BCLAF3: variants seen among roughly 807,000 people sequenced by gnomAD.
The protein encoded by BCLAF3 is BCLAF1 and THRAP3 family member 3, also known as transient octamer binding factor 1.
A neutral mutation model predicts 51.2 loss-of-function variants in BCLAF3; 24 were observed. The observed-to-expected ratio is 0.47, with a 90% CI of 0.34 to 0.66. BCLAF3 has a LOEUF of 0.66. Ranked by LOEUF, BCLAF3 falls within the 30% of genes least tolerant of loss-of-function variation. The pLI is 0.01. For synonymous variants in BCLAF3, 152 were observed against 176.6 expected (o/e 0.86, Z 1.10); for missense variants, 465 against 525.1 (o/e 0.89, Z 1.12).
At chrX:19,980,634 T>C (rs1170598244) in intron 1 of BCLAF3, among the ~76,000 whole-genome samples, 1 of 111,615 alleles carries the variant, frequency 9.0e-6, no homozygotes, top group African/African-American at 3.3e-5. Flanking sequence ...GGCGGAAGAT[T>C]AGTGTAAAAT....
At chrX:19,928,069 G>A (rs113041781) in intron 11 of BCLAF3, among the ~76,000 whole-genome samples, 6,996 of 84,845 alleles carry the variant, frequency 0.082, 635 homozygotes, top group African/African-American at 0.26. Context: ...TTTTTGTAGA[G>A]GTGGGGTCTT....
At chrX:19,988,076 G>T (rs1387743580) in intron 1 of BCLAF3, among the ~76,000 whole-genome samples, 1 of 112,007 alleles carries the variant, frequency 8.9e-6, no homozygotes, top group African/African-American at 3.2e-5. Context: ...GTTGACATCA[G>T]GCATCACATC....
At chrX:19,959,274 T>C (rs751286837) in intron 4 of BCLAF3, among the ~76,000 whole-genome samples, 1 of 111,721 alleles carries the variant, frequency 9.0e-6, no homozygotes, top group South Asian at 3.7e-4. Context: ...GTACCACCCA[T>C]CTTCTGCTGA....
intron 8 of BCLAF3, among the ~76,000 whole-genome samples, chrX:19,946,352 C>G (rs913994616): frequency 1.8e-5 from 2 of 112,152 alleles, no homozygotes; most frequent in Non-Finnish European, 3.8e-5. Flanking sequence ...GGCACAAATA[C>G]CCATCTTGGA....
intron 1 of BCLAF3, among the ~76,000 whole-genome samples, chrX:19,990,431 CGCGGCAGG>C (rs771258509): frequency 5.3e-4 from 61 of 114,033 alleles, no homozygotes; most frequent in African/African-American, 1.9e-3. Context: ...GATGCCGCTG[CGCGGCAGG>C]AGCGCCTCAC....
At chrX:19,977,443 C>T (rs1267473928) in intron 1 of BCLAF3, among the ~76,000 whole-genome samples, 1 of 111,668 alleles carries the variant, frequency 9.0e-6, no homozygotes, top group Non-Finnish European at 1.9e-5. Flanking sequence ...TTGAGTGGTC[C>T]GGATAGAAGC....
At chrX:19,928,567 G>A (rs1045562978) in intron 11 of BCLAF3, among the ~76,000 whole-genome samples, 1 of 111,036 alleles carries the variant, frequency 9.0e-6, no homozygotes, top group South Asian at 3.8e-4. Context: ...TGGGGAATAA[G>A]AGCAAAACTC....
Position 19,965,124 on chromosome X carries a change from A to G in BCLAF3, c.1194T>C (p.Asp398=). 1 of 1,205,643 alleles carries G rather than the reference A, an allele frequency of 8.3e-7. No individual in the cohort carries two copies. The highest frequency in any genetic ancestry group is 1.1e-6 in the Non-Finnish European group (1 of 893,488). The stretch of plus-strand genomic sequence containing the variant: ...TAAGATTGATAGGCGAGGGTTTCAC[A>G]TCAGGAAGTTTTTGACTTTTATCAA... ...NQLDKSQKLP[D]VKPSPINLRK... The change falls in exon 4 of 12, where the codon GAT becomes GAC. Residue 398 remains aspartate, a synonymous_variant. Transcript: ENST00000379682.
chrX:19,984,704 A>G (rs1168783275), intron 1 of BCLAF3, among the ~76,000 whole-genome samples: 1 of 107,552 alleles, frequency 9.3e-6, no homozygotes, highest in Non-Finnish European at 1.9e-5. Context: ...TTTTTTTTTG[A>G]GACGGAGTTT....
chrX:19,964,880 C>G (rs776686951), intron 4 of BCLAF3, among the ~76,000 whole-genome samples, 164 bp downstream of exon 4: 1 of 111,335 alleles, frequency 9.0e-6, no homozygotes, highest in Non-Finnish European at 1.9e-5. Context: ...TAACTAATCA[C>G]AGGAAACAGC....
At chrX:19,987,841 C>G (rs757414752) in intron 1 of BCLAF3, among the ~76,000 whole-genome samples, 1 of 112,016 alleles carries the variant, frequency 8.9e-6, no homozygotes, top group East Asian at 2.8e-4. Flanking sequence ...CATGAGGAAG[C>G]TGGAATTACC....
intron 11 of BCLAF3, among the ~76,000 whole-genome samples, chrX:19,919,856 C>CAAAA (rs763184612): frequency 3.0e-5 from 1 of 33,628 alleles, no homozygotes; most frequent in African/African-American, 1.1e-4. Context: ...GACTTCGTCT[C>CAAAA]AAAAAAAAAA....
At position 19,970,240 on chromosome X, in the gene BCLAF3, G is replaced by T. The variant is rs1314119587; in HGVS notation, c.25C>A (p.Pro9Thr). Residue 9 changes from proline to threonine, a missense_variant, in exon 2 of 12, where the codon CCC becomes ACC. By Grantham distance (38) the Pro-to-Thr change is conservative. Coordinates refer to ENST00000379682, the MANE Select transcript of BCLAF3 (RefSeq NM_001367774.2). Reference sequence around the variant, plus strand: ...ACTGCTCACCTGTGTTTCCACCTGGGGGATCTAGATCGTGACCGTGCCATC... The same window carrying T: ...ACTGCTCACCTGTGTTTCCACCTGGTGGATCTAGATCGTGACCGTGCCATC... MARSRSRS[P>T]RWKHRSLSPV... 6 of 1,211,370 alleles carry T rather than the reference G, an allele frequency of 5.0e-6. No individual in the cohort carries two copies. The highest frequency in any genetic ancestry group is 3.0e-5 in the East Asian group (1 of 33,863).
intron 1 of BCLAF3, chrX:19,985,264 T>C (rs1040399029): frequency 9.0e-6 from 1 of 111,266 alleles, no homozygotes; most frequent in Non-Finnish European, 1.9e-5. Context: ...ATAAGTAAAT[T>C]TTATTCCAAG....
intron 5 of BCLAF3, among the ~76,000 whole-genome samples, chrX:19,954,755 C>G (rs1199857724): frequency 8.9e-6 from 1 of 112,189 alleles, no homozygotes; most frequent in African/African-American, 3.2e-5. Context: ...TTCTTGAAGG[C>G]CTCCAGTTTG....
intron 1 of BCLAF3, among the ~76,000 whole-genome samples, chrX:19,980,160 C>T (rs1490566363): frequency 8.9e-6 from 1 of 111,754 alleles, no homozygotes; most frequent in Non-Finnish European, 1.9e-5. Flanking sequence ...CTCACAGGTA[C>T]CTTGGAAAAT....
chrX:19,968,648 G>C (rs190742325), intron 2 of BCLAF3, among the ~76,000 whole-genome samples: 1 of 113,034 alleles, frequency 8.8e-6, no homozygotes, highest in African/African-American at 3.2e-5. Context: ...CTTTGTCTCT[G>C]ACCCAAGAGT....
Position 19,935,885 on chromosome X carries a change from T to C in BCLAF3, c.1874A>G (p.Gln625Arg). The change falls in exon 10 of 12, where the codon CAG (glutamine) becomes CGG (arginine). Residue 625 changes from glutamine (Q) to arginine (R), a missense_variant. Gln to Arg is a conservative substitution (Grantham distance 43). Transcript: ENST00000379682. The stretch of plus-strand genomic sequence containing the variant: ...TTTGTGAGTAATTATGTCTTTTCTC[T>C]GCGTAGTATAATTCTGCACGAAAAA... ...IEKPYMNYTT[Q>R]RKDIITHKPF... is the part of the protein sequence containing the mutation. 8.3e-7 allele frequency: 1 copy of C among 1,207,501 alleles called. No individual in the cohort carries two copies.
chrX:19,966,017 G>C, intron 3 of BCLAF3, 63 bp downstream of exon 3: 2 of 1,020,979 alleles, frequency 2.0e-6, no homozygotes, highest in Admixed American at 3.0e-5. Context: ...CAACCATAAA[G>C]TAAACAGATC....
Sources: allele counts gnomAD v4.1 joint callset (sites outside exome capture counted in the v4.1 genomes callset), GRCh38; gene constraint gnomAD v4.1.1; transcripts MANE v1.5; gene names NCBI Gene and HGNC (gene_info 2026-07-23, HGNC 2026-07-21).